The following PIP5K1B variants were observed in gnomAD, a reference collection of about 807,000 sequenced individuals.
PIP5K1B encodes phosphatidylinositol-4-phosphate 5-kinase type 1 beta, also known as phosphatidylinositol 4-phosphate 5-kinase type-1 beta.
PIP5K1B carries 42 observed loss-of-function variants against 67.0 expected under a neutral mutation model. That is an observed-to-expected ratio of 0.63 (90% CI 0.49 to 0.81). The LOEUF is 0.81. PIP5K1B is among the 30% of genes least tolerant of loss of function. PIP5K1B has a pLI of 0.00. For synonymous variants in PIP5K1B, 214 were observed against 231.4 expected (o/e 0.92, Z 0.68); for missense variants, 459 against 646.3 (o/e 0.71, Z 3.14).
chr9:68,933,452 C>T (rs140498107), intron 12 of PIP5K1B, among the ~76,000 whole-genome samples: 2,335 of 152,016 alleles, frequency 0.015, 50 homozygotes, highest in Admixed American at 0.055. Flanking sequence ...AATTTCTTCC[C>T]CTCAAAGAAA....
rs558810934 is a variant in PIP5K1B, at chr9:68,735,316, C to CTTTTTTTTTTTTTTTTTTTTTTTTTTTTT, written c.-242-7157_-242-7156insTTTTTTTTTTTTTTTTTTTTTTTTTTTTT. Among the ~76,000 whole-genome samples the CTTTTTTTTTTTTTTTTTTTTTTTTTTTTT allele has an allele frequency of 1.0e-3, 31 of 29,808 alleles. 11 individuals carry two copies. The highest frequency in any genetic ancestry group is 0.056 in the Middle Eastern group (2 of 36). 19.6% of individuals were successfully genotyped at this position (29,808 alleles called of 152,430 possible). ...CAGATTTGCTGTTTTCCCCTAGTGT[C>CTTTTTTTTTTTTTTTTTTTTTTTTTTTTT]TTTTTTTTTTTTTTTTTTTTTTTTT... is the stretch of plus-strand genomic sequence containing the variant. On this transcript the variant is annotated intron_variant, in intron 1 of 15. Coordinates refer to ENST00000265382, the MANE Select transcript of PIP5K1B (RefSeq NM_003558.4).
chr9:68,947,316 C>G (rs919061775), intron 14 of PIP5K1B, among the ~76,000 whole-genome samples: 1 of 152,178 alleles, frequency 6.6e-6, no homozygotes, highest in Non-Finnish European at 1.5e-5. Flanking sequence ...AGGATGCTAC[C>G]TGAAGAGCTG....
At position 68,952,871 on chromosome 9, in the gene PIP5K1B, CTAT is replaced by C. The variant is rs889603093; in HGVS notation, c.1502+12098_1502+12100del. On this transcript the variant is annotated intron_variant, in intron 14 of 15. Transcript: ENST00000265382. Reference sequence around the variant, plus strand: ...TCTTCCTTCCTTTCTTTCTTTCTTCCTATTATTATTATTATTATTGCAGAAACC... The same window carrying C: ...TCTTCCTTCCTTTCTTTCTTTCTTCCTATTATTATTATTATTGCAGAAACC... 4.8e-3 allele frequency among the ~76,000 whole-genome samples: 711 copies of C among 149,646 alleles called. 8 individuals are homozygous for C. Among genetic ancestry groups the C allele is most frequent in the African/African-American group, 0.016 (652 of 40,624 alleles).
chr9:68,836,902 G>A (rs1384125496), intron 4 of PIP5K1B, among the ~76,000 whole-genome samples: 1 of 152,210 alleles, frequency 6.6e-6, no homozygotes, highest in African/African-American at 2.4e-5. Context: ...GCAGAGTCTG[G>A]TCAAATCTGG....
At chr9:68,798,224 G>T (rs1321705253) in intron 2 of PIP5K1B, among the ~76,000 whole-genome samples, 1 of 152,152 alleles carries the variant, frequency 6.6e-6, no homozygotes, top group Non-Finnish European at 1.5e-5. Flanking sequence ...ATTGATAGAA[G>T]TCTGGAGAGC....
intron 12 of PIP5K1B, among the ~76,000 whole-genome samples, chr9:68,932,767 C>T (rs1224684734): frequency 1.3e-5 from 2 of 152,050 alleles, no homozygotes; most frequent in African/African-American, 4.8e-5. Flanking sequence ...TCAGAGACCC[C>T]TTAGTTTCCA....
intron 1 of PIP5K1B, among the ~76,000 whole-genome samples, chr9:68,722,029 A>G (rs139625121): frequency 1.6e-4 from 25 of 152,112 alleles, no homozygotes; most frequent in African/African-American, 6.0e-4. Context: ...GTGATTTCTC[A>G]GGCACACATT....
intron 13 of PIP5K1B, among the ~76,000 whole-genome samples, chr9:68,935,265 G>A (rs569247733): frequency 1.2e-4 from 18 of 152,252 alleles, no homozygotes; most frequent in Non-Finnish European, 2.5e-4. Flanking sequence ...TCAGGAGTTC[G>A]AAACCAGCCT....
chr9:68,780,380 G>A (rs1447933942), intron 2 of PIP5K1B: 1 of 1,613,540 alleles, frequency 6.2e-7, no homozygotes, highest in Admixed American at 1.7e-5. Flanking sequence ...ACGGCCTGCT[G>A]CTGCCGGCCT....
chr9:68,997,371 G>A (rs181505801), intron 15 of PIP5K1B, among the ~76,000 whole-genome samples: 16 of 152,236 alleles, frequency 1.1e-4, no homozygotes, highest in Admixed American at 2.0e-4. Flanking sequence ...GCCAGTATCC[G>A]CTGCTTCAAG....
In PIP5K1B at chr9:68,742,577, G is replaced by A. The variant is rs1829065999; in HGVS notation, c.-166G>A. 2 of 152,224 alleles carry A rather than the reference G, an allele frequency of 1.3e-5. No individual in the cohort carries two copies. The highest frequency in any genetic ancestry group is 1.3e-4 in the Admixed American group (2 of 15,288). The allele number at this position is 152,224 out of a possible 1,614,324, so 9.4% of individuals were successfully genotyped here. On this transcript the variant is annotated 5_prime_UTR_variant, in exon 2 of 16. It adds an upstream start codon to the 5' untranslated region. Coordinates refer to ENST00000265382, the MANE Select transcript of PIP5K1B (RefSeq NM_003558.4). The stretch of plus-strand genomic sequence containing the variant: ...ACCCCAGTCCTGTGACCTTTCTCTG[G>A]TGCCTGATACCTCTCAGCATTTGAG...
intron 1 of PIP5K1B, among the ~76,000 whole-genome samples, chr9:68,723,953 A>G (rs1828027718): frequency 6.6e-6 from 1 of 151,978 alleles, no homozygotes; most frequent in African/African-American, 2.4e-5. Context: ...GCCCAGACAA[A>G]TATCTTATAA....
chr9:68,870,484 G>A (rs191748410), intron 5 of PIP5K1B, among the ~76,000 whole-genome samples: 228 of 152,288 alleles, frequency 1.5e-3, no homozygotes, highest in Non-Finnish European at 2.1e-3. Flanking sequence ...CAAAAAAGAG[G>A]ACCAATTTCT....
At chr9:68,999,508 C>T (rs1830726368) in intron 15 of PIP5K1B, among the ~76,000 whole-genome samples, 1 of 152,218 alleles carries the variant, frequency 6.6e-6, no homozygotes, top group East Asian at 1.9e-4. Flanking sequence ...AGTCAGTCAC[C>T]TGTTGGGGAC....
rs117029400 is a variant in PIP5K1B at position 68,973,185 on chromosome 9, A to G, written c.1503-17955A>G. 6.2e-4 allele frequency among the ~76,000 whole-genome samples: 94 copies of G among 152,326 alleles called. 4 individuals carry two copies. In the East Asian group the frequency reaches 0.017, roughly 28 times the overall value. On this transcript the variant is annotated intron_variant, in intron 14 of 15. Transcript: ENST00000265382. ...GCTCCCGCAACAGCTCAGACGTAAT[A>G]CAACAACCTCATCTGTTGCAGTGAA... is the stretch of plus-strand genomic sequence containing the variant.
intron 6 of PIP5K1B, among the ~76,000 whole-genome samples, chr9:68,883,384 A>G (rs575160322): frequency 1.3e-5 from 2 of 152,348 alleles, no homozygotes; most frequent in African/African-American, 2.4e-5. Flanking sequence ...AATGCTGTTT[A>G]GCAAGAGATT....
chr9:68,874,914 C>T (rs1213018498), intron 5 of PIP5K1B, among the ~76,000 whole-genome samples: 1 of 152,086 alleles, frequency 6.6e-6, no homozygotes, highest in Admixed American at 6.6e-5. Context: ...TTTGCTTTTA[C>T]CCTTTATTTC....
At chr9:68,789,303 G>A (rs36085606) in intron 2 of PIP5K1B, 19,295 of 408,758 alleles carry the variant, frequency 0.047, 2,144 homozygotes, top group African/African-American at 0.29. Context: ...CAACGAGTCA[G>A]CTTGGAAACC....
chr9:68,760,649 CAG>C (rs979692949), intron 2 of PIP5K1B, among the ~76,000 whole-genome samples: 7 of 152,208 alleles, frequency 4.6e-5, no homozygotes, highest in African/African-American at 1.7e-4. Context: ...GTTTAGCTAA[CAG>C]AGACCCCATT....
Sources: allele counts gnomAD v4.1 joint callset (sites outside exome capture counted in the v4.1 genomes callset), GRCh38; gene constraint gnomAD v4.1.1; transcripts MANE v1.5; gene names NCBI Gene and HGNC (gene_info 2026-07-23, HGNC 2026-07-21).